ENPEP: variants seen among roughly 807,000 people sequenced by gnomAD.
The protein encoded by ENPEP is glutamyl aminopeptidase, also known as AP-A.
A neutral mutation model predicts 114.5 loss-of-function variants in ENPEP; 103 were observed. That is an observed-to-expected ratio of 0.90 (90% CI 0.77 to 1.06). ENPEP has a LOEUF of 1.06. Among genes scored for constraint, ENPEP ranks in the 50% least tolerant of loss-of-function variants. ENPEP has a pLI of 0.00. For missense variants in ENPEP, 1,196 were observed against 1,161.3 expected, an observed-to-expected ratio of 1.03 and a Z score of -0.43; for synonymous variants, 420 against 422.0, an observed-to-expected ratio of 1.00 and a Z score of 0.06.
chr4:110,490,262 C>A (rs747156755), intron 2 of ENPEP, among the ~76,000 whole-genome samples: 1 of 152,156 alleles, frequency 6.6e-6, no homozygotes, highest in Non-Finnish European at 1.5e-5. Context: ...TAGCCTGGAG[C>A]CCCACCACGA....
chr4:110,480,384 G>A (rs916000453), intron 1 of ENPEP, among the ~76,000 whole-genome samples: 3 of 152,088 alleles, frequency 2.0e-5, no homozygotes, highest in African/African-American at 7.2e-5. Flanking sequence ...CTCATCCACA[G>A]GCTCCATATA....
chr4:110,522,477 A>G (rs1382251287), intron 10 of ENPEP, among the ~76,000 whole-genome samples: 1 of 152,186 alleles, frequency 6.6e-6, no homozygotes, highest in East Asian at 1.9e-4. Flanking sequence ...CACCGTGCTC[A>G]GCCAATAGGC....
intron 3 of ENPEP, among the ~76,000 whole-genome samples, chr4:110,499,295 A>C (rs1578396396): frequency 6.6e-6 from 1 of 152,272 alleles, no homozygotes. Flanking sequence ...ACTCGAAATA[A>C]CCCTATGACA....
intron 4 of ENPEP, among the ~76,000 whole-genome samples, chr4:110,508,627 C>T (rs1214272403): frequency 2.0e-5 from 3 of 152,070 alleles, no homozygotes; most frequent in Non-Finnish European, 4.4e-5. Context: ...CTGGCTAACA[C>T]GGTGAATCCC....
chr4:110,476,991 G>A lies in ENPEP; in HGVS notation c.577G>A (p.Ala193Thr), dbSNP rs143107150. 4 of 1,614,052 alleles carry A rather than the reference G, an allele frequency of 2.5e-6. No homozygotes were observed. In the East Asian group the frequency reaches 6.7e-5, roughly 27 times the overall value. ...DGLYLLTMEF[A>T]GWLNGSLVGF... ...CCTGTATCTCCTGACCATGGAGTTC[G>A]CCGGCTGGCTGAACGGCTCCCTCGT... Residue 193 changes from alanine to threonine, a missense_variant, in exon 1 of 20, where the codon GCC becomes ACC. By Grantham distance (58) the Ala-to-Thr change is moderately conservative. Coordinates refer to ENST00000265162, the MANE Select transcript of ENPEP (RefSeq NM_001977.4).
chr4:110,532,297 C>T (rs1448806), intron 11 of ENPEP, among the ~76,000 whole-genome samples: 1 of 152,050 alleles, frequency 6.6e-6, no homozygotes, highest in South Asian at 2.1e-4. Context: ...TAAGCAACCA[C>T]TAATGTATTC....
At chr4:110,549,227 G>T (rs1043343151) in intron 14 of ENPEP, 119 bp from the exon 15 acceptor site, 13 of 805,726 alleles carry the variant, frequency 1.6e-5, no homozygotes, top group Non-Finnish European at 2.6e-5. Flanking sequence ...AAGGACAAGC[G>T]CAAAGTTCTC....
intron 16 of ENPEP, 24 bp from the exon 17 acceptor site, chr4:110,549,692 C>T (rs1174892592): frequency 1.2e-6 from 2 of 1,612,776 alleles, no homozygotes; most frequent in East Asian, 2.2e-5. Context: ...GTTGAAATCT[C>T]TGAAACACTG....
intron 10 of ENPEP, among the ~76,000 whole-genome samples, chr4:110,526,703 T>C (rs1351921223): frequency 1.3e-5 from 2 of 152,148 alleles, no homozygotes; most frequent in African/African-American, 2.4e-5. Context: ...CTTGCTGCAC[T>C]GTGGAGAACT....
At chr4:110,497,257 C>T (rs992168355) in intron 3 of ENPEP, among the ~76,000 whole-genome samples, 1 of 151,976 alleles carries the variant, frequency 6.6e-6, no homozygotes, top group Non-Finnish European at 1.5e-5. Flanking sequence ...TGTGGCTTTG[C>T]TAAGTTTTCA....
intron 10 of ENPEP, among the ~76,000 whole-genome samples, chr4:110,524,989 C>T (rs1239243356): frequency 2.6e-5 from 4 of 152,106 alleles, no homozygotes; most frequent in Admixed American, 6.6e-5. Context: ...TGAGCTCAAG[C>T]GATCCTCCTG....
chr4:110,507,048 G>A (rs898046955), intron 4 of ENPEP, among the ~76,000 whole-genome samples: 1 of 152,164 alleles, frequency 6.6e-6, no homozygotes, highest in Non-Finnish European at 1.5e-5. Context: ...GCAGAGCTTG[G>A]TAGTGATGGA....
intron 1 of ENPEP, among the ~76,000 whole-genome samples, chr4:110,481,745 C>T (rs1202013991): frequency 6.6e-6 from 1 of 152,044 alleles, no homozygotes; most frequent in Non-Finnish European, 1.5e-5. Flanking sequence ...TATATTTGTA[C>T]TTAGGAATGC....
At chr4:110,544,391 C>T (rs1726971322) in intron 13 of ENPEP, among the ~76,000 whole-genome samples, 1 of 151,998 alleles carries the variant, frequency 6.6e-6, no homozygotes, top group East Asian at 1.9e-4. Context: ...AAGAGCTCTT[C>T]TGAATTTGTA....
chr4:110,518,178 A>G (rs1725852892), intron 8 of ENPEP, among the ~76,000 whole-genome samples: 1 of 152,252 alleles, frequency 6.6e-6, no homozygotes, highest in African/African-American at 2.4e-5. Context: ...GAGCAAAATT[A>G]TCAACTGGAA....
At chr4:110,481,699 C>T (rs1724316531) in intron 1 of ENPEP, among the ~76,000 whole-genome samples, 2 of 152,200 alleles carry the variant, frequency 1.3e-5, no homozygotes, top group South Asian at 4.1e-4. Flanking sequence ...TTTCTGCCTA[C>T]CCTGTGGAAG....
intron 3 of ENPEP, among the ~76,000 whole-genome samples, chr4:110,505,746 G>C (rs919693745): frequency 7.2e-5 from 11 of 152,100 alleles, no homozygotes; most frequent in African/African-American, 2.4e-4. Flanking sequence ...TATTTTATTT[G>C]AATTTCTCAC....
At chr4:110,493,474 G>A (rs1194742471) in intron 3 of ENPEP, among the ~76,000 whole-genome samples, 4 of 152,124 alleles carry the variant, frequency 2.6e-5, no homozygotes. Flanking sequence ...AAACTTCTCA[G>A]AGGCTCTGAG....
chr4:110,499,876 A>C (rs1007206022), intron 3 of ENPEP, among the ~76,000 whole-genome samples: 4 of 152,162 alleles, frequency 2.6e-5, no homozygotes, highest in African/African-American at 9.7e-5. Flanking sequence ...TATTATTAAT[A>C]ATTCTGGATT....
Sources: gnomAD v4.1 joint callset for allele counts (sites outside exome capture counted in the v4.1 genomes callset) on GRCh38, gnomAD v4.1.1 for gene constraint, MANE v1.5 for transcripts, NCBI Gene and HGNC (gene_info 2026-07-23, HGNC 2026-07-21) for gene names.